DACH1: variants seen among roughly 807,000 people sequenced by gnomAD.
DACH1 encodes the protein dachshund homolog 1.
A neutral mutation model predicts 54.2 loss-of-function variants in DACH1; 12 were observed. The ratio of observed to expected loss-of-function variants is 0.22; its 90% CI spans 0.14 to 0.36. The LOEUF is 0.36. DACH1 is among the 10% of genes least tolerant of loss of function. The probability of loss-of-function intolerance (pLI) is 1.00; values close to 1 mark genes in which losing one functional copy is unlikely to be tolerated. For synonymous variants in DACH1, 386 were observed against 366.2 expected, an observed-to-expected ratio of 1.05 and a Z score of -0.62; for missense variants, 805 against 929.8, an observed-to-expected ratio of 0.87 and a Z score of 1.75.
intron 1 of DACH1, among the ~76,000 whole-genome samples, chr13:71,841,978 C>T (rs184645292): frequency 6.6e-6 from 1 of 152,248 alleles, no homozygotes; most frequent in East Asian, 1.9e-4. Flanking sequence ...AGGCATTAGG[C>T]TCCCTCACTG....
At chr13:71,443,939 G>T (rs144785108) in intron 10 of DACH1, among the ~76,000 whole-genome samples, 1 of 152,010 alleles carries the variant, frequency 6.6e-6, no homozygotes. Flanking sequence ...TATTGTTTTC[G>T]TATGGAATAT....
intron 1 of DACH1, among the ~76,000 whole-genome samples, chr13:71,789,246 A>G (rs1566501204): frequency 2.6e-5 from 4 of 152,146 alleles, no homozygotes. Context: ...AAACTAGAAG[A>G]TTTAATATGA....
intron 6 of DACH1, among the ~76,000 whole-genome samples, chr13:71,550,279 C>G (rs1883724389): frequency 6.6e-6 from 1 of 152,112 alleles, no homozygotes; most frequent in Non-Finnish European, 1.5e-5. Context: ...TATATTATCT[C>G]ACTTAACTCT....
At chr13:71,782,251 G>T (rs1886416042) in intron 1 of DACH1, among the ~76,000 whole-genome samples, 1 of 152,226 alleles carries the variant, frequency 6.6e-6, no homozygotes, top group Admixed American at 6.5e-5. Flanking sequence ...GGCCAGCCTG[G>T]CCAAAATGGT....
chr13:71,560,068 C>G, intron 4 of DACH1, 113 bp from the exon 5 acceptor site: 1 of 1,192,274 alleles, frequency 8.4e-7, no homozygotes, highest in South Asian at 1.9e-5. Flanking sequence ...AGAATAAACA[C>G]TTTACTTCAT....
chr13:71,531,742 T>C (rs1301924346), intron 6 of DACH1, among the ~76,000 whole-genome samples: 1 of 151,976 alleles, frequency 6.6e-6, no homozygotes, highest in Admixed American at 6.6e-5. Context: ...TTGTTATTAA[T>C]GTTGTCATTT....
At chr13:71,772,245 T>C (rs1885886195) in intron 1 of DACH1, among the ~76,000 whole-genome samples, 1 of 151,706 alleles carries the variant, frequency 6.6e-6, no homozygotes, top group Admixed American at 6.6e-5. Context: ...TACTAAGGAA[T>C]AGACAATGGG....
At chr13:71,652,100 T>C (rs1878730257) in intron 2 of DACH1, among the ~76,000 whole-genome samples, 1 of 152,168 alleles carries the variant, frequency 6.6e-6, no homozygotes. Flanking sequence ...ACCTAATAAA[T>C]GCAAATGCTT....
At chr13:71,507,145 G>A (rs190751606) in intron 6 of DACH1, among the ~76,000 whole-genome samples, 6 of 152,102 alleles carry the variant, frequency 3.9e-5, no homozygotes, top group East Asian at 1.9e-4. Context: ...GAAAATTTTT[G>A]CAACCTACTC....
At chr13:71,795,617 G>A (rs1205660764) in intron 1 of DACH1, among the ~76,000 whole-genome samples, 3 of 152,096 alleles carry the variant, frequency 2.0e-5, no homozygotes, top group Admixed American at 1.3e-4. Context: ...CTGATATAGG[G>A]CAATCAATGG....
rs1041414912 is a variant in DACH1 at position 71,731,477 on chromosome 13, G to A, written c.849-49567C>T. 1.6e-4 allele frequency among the ~76,000 whole-genome samples: 25 copies of A among 152,066 alleles called. 1 individual carries two copies. In the Middle Eastern group the frequency reaches 0.027, roughly 166 times the overall value. ...GTTTTGTATTTTTAATAGAGATGGG[G>A]TTTCACCGTGTTAGCCAGGATGGTC... is the stretch of plus-strand genomic sequence containing the variant. On this transcript the variant is annotated intron_variant, in intron 1 of 10. Coordinates refer to ENST00000613252, the MANE Select transcript of DACH1 (RefSeq NM_080759.6).
chr13:71,482,120 G>T (rs887723358), intron 7 of DACH1, among the ~76,000 whole-genome samples: 1 of 152,114 alleles, frequency 6.6e-6, no homozygotes, highest in Non-Finnish European at 1.5e-5. Context: ...ATAGTTGATT[G>T]ACCCCAAATT....
chr13:71,575,416 C>A (rs925462100), intron 3 of DACH1, among the ~76,000 whole-genome samples: 1 of 151,942 alleles, frequency 6.6e-6, no homozygotes, highest in African/African-American at 2.4e-5. Context: ...CAGCTATAAT[C>A]TACTTTTTTC....
At chr13:71,851,908 G>C (rs1180229971) in intron 1 of DACH1, among the ~76,000 whole-genome samples, 3 of 152,034 alleles carry the variant, frequency 2.0e-5, no homozygotes, top group Non-Finnish European at 2.9e-5. Context: ...TTCAAAAGTT[G>C]ATATGTGGTT....
chr13:71,532,634 A>T (rs1031782260), intron 6 of DACH1, among the ~76,000 whole-genome samples: 8 of 152,128 alleles, frequency 5.3e-5, no homozygotes, highest in Admixed American at 1.3e-4. Flanking sequence ...TGTTTAAAGG[A>T]TCCTGGTACC....
chr13:71,497,533 T>C (rs1358370143), intron 6 of DACH1, among the ~76,000 whole-genome samples: 1 of 152,036 alleles, frequency 6.6e-6, no homozygotes, highest in Non-Finnish European at 1.5e-5. Flanking sequence ...GGTTTCTCCA[T>C]GTTGGTCATG....
intron 6 of DACH1, among the ~76,000 whole-genome samples, chr13:71,552,327 T>C (rs180939528): frequency 7.9e-5 from 12 of 152,090 alleles, no homozygotes; most frequent in Non-Finnish European, 1.8e-4. Flanking sequence ...ATGCAACAGT[T>C]AGTCACAACT....
At chr13:71,489,299 A>G (rs879586946) in intron 6 of DACH1, 151 bp from the exon 7 acceptor site, 18 of 823,236 alleles carry the variant, frequency 2.2e-5, no homozygotes, top group Non-Finnish European at 3.4e-5. Flanking sequence ...ATTTTCTTTA[A>G]TGAAAAAGCT....
intron 6 of DACH1, among the ~76,000 whole-genome samples, chr13:71,550,952 A>G (rs796957445): frequency 2.0e-5 from 3 of 152,280 alleles, no homozygotes; most frequent in African/African-American, 7.2e-5. Context: ...AGAGAATTTT[A>G]CAAGTGAAAA....
Sources: allele counts gnomAD v4.1 joint callset (sites outside exome capture counted in the v4.1 genomes callset), GRCh38; gene constraint gnomAD v4.1.1; transcripts MANE v1.5; gene names NCBI Gene and HGNC (gene_info 2026-07-23, HGNC 2026-07-21).